ARHGEF3: variants seen among roughly 807,000 people sequenced by gnomAD.
ARHGEF3 encodes Rho guanine nucleotide exchange factor 3.
In ARHGEF3, 28 loss-of-function variants were observed where a neutral mutation model predicts 63.2. The observed-to-expected ratio is 0.44, with a 90% CI of 0.33 to 0.61. ARHGEF3 has a LOEUF of 0.61. Among genes scored for constraint, ARHGEF3 ranks in the 20% least tolerant of loss-of-function variants. The pLI is 0.03. For synonymous variants in ARHGEF3, 266 were observed against 254.2 expected, an observed-to-expected ratio of 1.05 and a Z score of -0.44; for missense variants, 533 against 659.3, an observed-to-expected ratio of 0.81 and a Z score of 2.10.
chr3:56,969,494 C>T (rs924473237), intron 2 of ARHGEF3, among the ~76,000 whole-genome samples: 5 of 151,954 alleles, frequency 3.3e-5, no homozygotes, highest in African/African-American at 7.2e-5. Context: ...ATATAAGGGC[C>T]GGGCGCGGTG....
At chr3:56,950,722 G>A (rs1699763860) in intron 3 of ARHGEF3, among the ~76,000 whole-genome samples, 1 of 152,010 alleles carries the variant, frequency 6.6e-6, no homozygotes, top group African/African-American at 2.4e-5. Flanking sequence ...TCAGTGTGGC[G>A]ATTCCTCAGG....
intron 2 of ARHGEF3, among the ~76,000 whole-genome samples, chr3:57,020,445 C>T (rs1703209084): frequency 6.6e-6 from 1 of 152,196 alleles, no homozygotes; most frequent in Non-Finnish European, 1.5e-5. Flanking sequence ...TGGGGGACCA[C>T]CCCTCCCTCA....
intron 2 of ARHGEF3, among the ~76,000 whole-genome samples, chr3:56,994,722 C>T (rs760209275): frequency 2.0e-5 from 3 of 152,176 alleles, no homozygotes; most frequent in Non-Finnish European, 2.9e-5. Flanking sequence ...ACTTCCCACA[C>T]TCCCCCGAAT....
chr3:56,801,822 G>A lies in ARHGEF3; in HGVS notation c.-24C>T. 5 of 1,553,878 alleles carry A rather than the reference G, an allele frequency of 3.2e-6. No individual in the cohort carries two copies. Among genetic ancestry groups the A allele is most frequent in the Non-Finnish European group, 4.4e-6 (5 of 1,147,890 alleles). On this transcript the variant is annotated 5_prime_UTR_variant, in exon 1 of 10. Transcript: ENST00000296315. Reference sequence around the variant, plus strand: ...ATGGCGGCTGCCGGGCCTGCCCTTTGGGATGTCACCGCTGACCCTAGGCGA... The same window carrying A: ...ATGGCGGCTGCCGGGCCTGCCCTTTAGGATGTCACCGCTGACCCTAGGCGA...
intron 3 of ARHGEF3, among the ~76,000 whole-genome samples, chr3:56,895,230 T>C (rs1483244196): frequency 6.6e-6 from 1 of 152,180 alleles, no homozygotes; most frequent in East Asian, 1.9e-4. Flanking sequence ...TTCACGTTAT[T>C]GTTCTGACAG....
At chr3:56,962,264 A>C (rs1700312082) in intron 2 of ARHGEF3, among the ~76,000 whole-genome samples, 1 of 152,186 alleles carries the variant, frequency 6.6e-6, no homozygotes, top group African/African-American at 2.4e-5. Flanking sequence ...CCAGGTCCTC[A>C]CCAAAGGAGG....
At chr3:57,077,318 C>T (rs999294307) in intron 1 of ARHGEF3, among the ~76,000 whole-genome samples, 2 of 151,804 alleles carry the variant, frequency 1.3e-5, no homozygotes, top group Non-Finnish European at 2.9e-5. Context: ...TGAGATGTAA[C>T]GGGGCAAGAA....
In ARHGEF3 at chr3:57,071,659, C is replaced by CAA. The variant is rs34281617; in HGVS notation, c.-28+7565_-28+7566dup. 3.1e-3 allele frequency among the ~76,000 whole-genome samples: 390 copies of CAA among 124,910 alleles called. 1 individual carries two copies. The highest frequency in any genetic ancestry group is 0.013 in the Middle Eastern group (3 of 226). 81.9% of individuals were successfully genotyped at this position (124,910 alleles called of 152,430 possible). ...TGGGTGAAAGAGCAAAACTCCATCT[C>CAA]AAAAAAAAAAAAAAAAATATGCCTT... On this transcript the variant is annotated intron_variant, in intron 1 of 12. Transcript: ENST00000338458.
intron 2 of ARHGEF3, among the ~76,000 whole-genome samples, chr3:56,770,079 C>A (rs757460326): frequency 6.6e-6 from 1 of 152,150 alleles, no homozygotes; most frequent in Non-Finnish European, 1.5e-5. Flanking sequence ...CCTTTGGGGC[C>A]AGCTCTTCCC....
At chr3:56,862,160 C>A (rs543830369) in intron 4 of ARHGEF3, among the ~76,000 whole-genome samples, 1 of 147,500 alleles carries the variant, frequency 6.8e-6, no homozygotes, top group African/African-American at 2.5e-5. Context: ...GAGGTAAAGG[C>A]AGGGTGAGGG....
intron 2 of ARHGEF3, among the ~76,000 whole-genome samples, chr3:56,768,516 G>A (rs2035832482): frequency 6.6e-6 from 1 of 151,740 alleles, no homozygotes; most frequent in Non-Finnish European, 1.5e-5. Context: ...TGGTTATGTA[G>A]AATAATATAT....
At chr3:56,921,918 G>C (rs1237726861) in intron 3 of ARHGEF3, among the ~76,000 whole-genome samples, 1 of 152,220 alleles carries the variant, frequency 6.6e-6, no homozygotes, top group Non-Finnish European at 1.5e-5. Flanking sequence ...ACGATTGCTA[G>C]TCATGGCTAA....
In ARHGEF3 at chr3:56,781,243, CTTT is replaced by C. The variant is rs111752315; in HGVS notation, c.97-7430_97-7428del. Among the ~76,000 whole-genome samples, 8 of 142,948 alleles carry C rather than the reference CTTT, an allele frequency of 5.6e-5. No individual in the cohort carries two copies. The South Asian group carries it at 1.6e-3, about 28-fold the overall frequency. The allele number at this position is 142,948 out of a possible 152,430, so 93.8% of individuals were successfully genotyped here. The stretch of plus-strand genomic sequence containing the variant: ...TGGCTCTGCTGACATTTTCTTTTGT[CTTT>C]TTTTTTTTTTTCTTTTTTTGAGACA... On this transcript the variant is annotated intron_variant, in intron 1 of 9. Coordinates refer to ENST00000296315, the MANE Select transcript of ARHGEF3 (RefSeq NM_019555.3).
At chr3:57,063,041 T>G (rs1275588747) in intron 1 of ARHGEF3, among the ~76,000 whole-genome samples, 2 of 151,812 alleles carry the variant, frequency 1.3e-5, no homozygotes, top group Non-Finnish European at 2.9e-5. Context: ...AAAGGGGAAG[T>G]TGGGATGCAG....
At chr3:56,790,156 T>C (rs2037009080) in intron 1 of ARHGEF3, among the ~76,000 whole-genome samples, 1 of 152,226 alleles carries the variant, frequency 6.6e-6, no homozygotes, top group South Asian at 2.1e-4. Context: ...AAATAAATGC[T>C]GCATTTAAGA....
intron 2 of ARHGEF3, among the ~76,000 whole-genome samples, chr3:56,989,896 T>C (rs1579033195): frequency 6.6e-6 from 1 of 152,190 alleles, no homozygotes; most frequent in South Asian, 2.1e-4. Flanking sequence ...GGAACAATAA[T>C]GGGAGCCGCT....
chr3:57,055,326 T>C (rs1704875162), intron 1 of ARHGEF3, among the ~76,000 whole-genome samples: 1 of 152,078 alleles, frequency 6.6e-6, no homozygotes, highest in Non-Finnish European at 1.5e-5. Context: ...CAAGCCTGGC[T>C]AATTTTCGTA....
intron 2 of ARHGEF3, among the ~76,000 whole-genome samples, chr3:56,996,910 T>C (rs1423854331): frequency 7.0e-6 from 1 of 142,496 alleles, no homozygotes; most frequent in Non-Finnish European, 1.5e-5. Context: ...TTTTTTGCAA[T>C]TTGCTTATTT....
At chr3:56,885,366 A>G (rs1415654496) in intron 3 of ARHGEF3, among the ~76,000 whole-genome samples, 1 of 152,204 alleles carries the variant, frequency 6.6e-6, no homozygotes, top group Non-Finnish European at 1.5e-5. Flanking sequence ...GACCTGGCAC[A>G]TAGTAGGTGC....
Sources: allele counts gnomAD v4.1 joint callset (sites outside exome capture counted in the v4.1 genomes callset), GRCh38; gene constraint gnomAD v4.1.1; transcripts MANE v1.5; gene names NCBI Gene and HGNC (gene_info 2026-07-23, HGNC 2026-07-21).